The following AKAP13 variants were observed in gnomAD, a reference collection of about 807,000 sequenced individuals.
The protein encoded by AKAP13 is A-kinase anchor protein 13.
In AKAP13, 80 loss-of-function variants were observed where a neutral mutation model predicts 264.5. The ratio of observed to expected loss-of-function variants is 0.30; its 90% confidence interval spans 0.25 to 0.36. The LOEUF (loss-of-function observed/expected upper bound fraction) is 0.36. Among genes scored for constraint, AKAP13 ranks in the 10% least tolerant of loss-of-function variants. AKAP13 has a pLI of 1.00. For missense variants in AKAP13, 3,712 were observed against 3,435.2 expected (o/e 1.08, Z -2.01); for synonymous variants, 1,380 against 1,250.2 (o/e 1.10, Z -2.19).
intron 1 of AKAP13, among the ~76,000 whole-genome samples, chr15:85,467,921 CA>C (rs1418664226): frequency 3.3e-5 from 5 of 152,176 alleles, no homozygotes; most frequent in Admixed American, 2.6e-4. Context: ...TTGACGGAGG[CA>C]GAGTTGAGGA....
chr15:85,532,221 A>G (rs1485962060), intron 3 of AKAP13, among the ~76,000 whole-genome samples: 1 of 152,220 alleles, frequency 6.6e-6, no homozygotes, highest in Non-Finnish European at 1.5e-5. Context: ...TTGCCACAGG[A>G]TGAGGGCTTA....
intron 1 of AKAP13, among the ~76,000 whole-genome samples, chr15:85,399,262 C>T (rs1278050512): frequency 2.0e-5 from 3 of 150,438 alleles, no homozygotes; most frequent in South Asian, 2.1e-4. Flanking sequence ...TTTGGGAGGC[C>T]GAGGCGGGTG....
intron 26 of AKAP13, chr15:85,726,172 A>G (rs755920560): frequency 4.7e-6 from 2 of 428,780 alleles, no homozygotes; most frequent in Non-Finnish European, 8.3e-6. Flanking sequence ...AAACTTTTCC[A>G]AAACAAGGCT....
chr15:85,392,635 G>C (rs1567035243), intron 1 of AKAP13, among the ~76,000 whole-genome samples: 1 of 151,994 alleles, frequency 6.6e-6, no homozygotes, highest in Admixed American at 6.6e-5. Context: ...TGAACTCTTG[G>C]GTTTAAGTGG....
At chr15:85,471,690 C>T (rs749270752) in intron 1 of AKAP13, among the ~76,000 whole-genome samples, 1 of 152,240 alleles carries the variant, frequency 6.6e-6, no homozygotes, top group African/African-American at 2.4e-5. Context: ...CCCCCCATCC[C>T]TGGGTCCAGG....
chr15:85,489,022 T>G (rs896080696), intron 2 of AKAP13, among the ~76,000 whole-genome samples: 4 of 152,356 alleles, frequency 2.6e-5, no homozygotes, highest in South Asian at 4.1e-4. Flanking sequence ...CTCTCTGATC[T>G]TGCCATCATG....
chr15:85,381,312 C>G (rs939692073), intron 1 of AKAP13, among the ~76,000 whole-genome samples: 6 of 151,874 alleles, frequency 4.0e-5, no homozygotes, highest in Non-Finnish European at 5.9e-5. Flanking sequence ...ACGGTAAACA[C>G]GTCGGGCCGC....
At chr15:85,528,707 G>T (rs1396269377) in intron 3 of AKAP13, among the ~76,000 whole-genome samples, 1 of 152,042 alleles carries the variant, frequency 6.6e-6, no homozygotes, top group Non-Finnish European at 1.5e-5. Flanking sequence ...AGTTTACTCA[G>T]CTGGGAGCAG....
intron 8 of AKAP13, among the ~76,000 whole-genome samples, chr15:85,618,084 A>G (rs983861932): frequency 6.6e-6 from 1 of 152,172 alleles, no homozygotes; most frequent in African/African-American, 2.4e-5. Flanking sequence ...GAATAGGGAG[A>G]TAAAACCTTA....
At chr15:85,613,691 A>AAAAAATAT (rs1313187436) in intron 8 of AKAP13, among the ~76,000 whole-genome samples, 4,405 of 91,688 alleles carry the variant, frequency 0.048, 263 homozygotes, top group Non-Finnish European at 0.07. Flanking sequence ...AAAAAAAAAA[A>AAAAAATAT]ATATATATAT....
chr15:85,743,943 A>T, intron 36 of AKAP13, 118 bp downstream of exon 36: 1 of 1,200,522 alleles, frequency 8.3e-7, no homozygotes, highest in Non-Finnish European at 1.1e-6. Flanking sequence ...CTCAAAAGCC[A>T]AACTGCCATC....
intron 16 of AKAP13, among the ~76,000 whole-genome samples, chr15:85,686,523 CAGGG>C (rs1486089645): frequency 6.6e-6 from 1 of 151,590 alleles, no homozygotes; most frequent in African/African-American, 2.4e-5. Context: ...AGTAGGCAAT[CAGGG>C]AGAGATGCAA....
chr15:85,507,124 C>T (rs1159157030), intron 2 of AKAP13, among the ~76,000 whole-genome samples: 1 of 152,154 alleles, frequency 6.6e-6, no homozygotes, highest in Admixed American at 6.5e-5. Context: ...ATTTATAGCA[C>T]CTGTTATATC....
At chr15:85,726,216 A>G (rs2087607402) in intron 26 of AKAP13, 194 bp from the exon 27 acceptor site, 1 of 461,696 alleles carries the variant, frequency 2.2e-6, no homozygotes, top group Admixed American at 3.9e-5. Context: ...ATGCTGCTAA[A>G]AATCTGGTGA....
intron 1 of AKAP13, among the ~76,000 whole-genome samples, chr15:85,450,701 T>C (rs761173929): frequency 6.6e-6 from 1 of 152,196 alleles, no homozygotes; most frequent in Non-Finnish European, 1.5e-5. Flanking sequence ...CTATTTTCAT[T>C]GCGCTGTGGT....
intron 2 of AKAP13, among the ~76,000 whole-genome samples, chr15:85,493,642 T>A (rs1402770551): frequency 6.6e-6 from 1 of 152,190 alleles, no homozygotes; most frequent in East Asian, 1.9e-4. Flanking sequence ...AGTCCTGAAT[T>A]ATCTTAGTTC....
intron 6 of AKAP13, 21 bp downstream of exon 6, chr15:85,575,350 T>A: frequency 1.9e-6 from 3 of 1,607,458 alleles, no homozygotes; most frequent in Non-Finnish European, 2.6e-6. Context: ...AAGCTTTTAT[T>A]TTTAAGTATA....
chr15:85,625,794 G>A (rs193283206), intron 8 of AKAP13, among the ~76,000 whole-genome samples: 1 of 152,208 alleles, frequency 6.6e-6, no homozygotes, highest in Non-Finnish European at 1.5e-5. Context: ...TTCAAATGGA[G>A]CCACATAGTG....
chr15:85,397,651 AG>A (rs2071184001), intron 1 of AKAP13, among the ~76,000 whole-genome samples: 2 of 152,210 alleles, frequency 1.3e-5, no homozygotes, highest in Non-Finnish European at 2.9e-5. Flanking sequence ...TCTGCAAGGA[AG>A]GTATTTTTAT....
Sources: gnomAD v4.1 joint callset for allele counts (sites outside exome capture counted in the v4.1 genomes callset) on GRCh38, gnomAD v4.1.1 for gene constraint, MANE v1.5 for transcripts, NCBI Gene and HGNC (gene_info 2026-07-23, HGNC 2026-07-21) for gene names.